PGR: variants seen among roughly 807,000 people sequenced by gnomAD.
The protein encoded by PGR is progesterone receptor.
In PGR, 25 loss-of-function variants were observed where a neutral mutation model predicts 76.1. That is an observed-to-expected ratio of 0.33 (90% CI 0.24 to 0.46). The LOEUF is 0.46. PGR is among the 20% of genes least tolerant of loss of function. The pLI, the probability that PGR is intolerant of heterozygous loss-of-function variation, is 1.00. For missense variants in PGR, 1,172 were observed against 1,225.3 expected, an observed-to-expected ratio of 0.96 and a Z score of 0.65; for synonymous variants, 579 against 535.0, an observed-to-expected ratio of 1.08 and a Z score of -1.14.
At chr11:101,044,277 AAATCTCATG>A (rs1277695324) in intron 6 of PGR, among the ~76,000 whole-genome samples, 2 of 152,264 alleles carry the variant, frequency 1.3e-5, no homozygotes, top group East Asian at 3.9e-4. Flanking sequence ...ATGGCTTCTT[AAATCTCATG>A]AACCAACTTC....
rs368891033 is a variant in PGR at position 101,047,369 on chromosome 11, A to C, written c.2488+2560T>G. On this transcript the variant is annotated intron_variant, in intron 6 of 7. Transcript: ENST00000325455. ...ATTCCTTCATGCAAAGAAGGGCAGG[A>C]GCTAATTACTGTATTATTAAATGTA... Among the ~76,000 whole-genome samples the C allele has an allele frequency of 5.9e-5, 9 of 152,278 alleles. No homozygotes were observed. In the South Asian group the frequency reaches 1.2e-3, roughly 21 times the overall value.
In PGR at chr11:101,033,403, T is replaced by C. The variant is rs1372469426; in HGVS notation, c.*5713A>G. The C allele has an allele frequency of 5.2e-6, 1 of 192,742 alleles. No homozygotes were observed. The highest frequency in any genetic ancestry group is 1.1e-5 in the Non-Finnish European group (1 of 92,224). The allele number at this position is 192,742 out of a possible 1,614,324, so 11.9% of individuals were successfully genotyped here. On this transcript the variant is annotated 3_prime_UTR_variant, in exon 8 of 8. Transcript: ENST00000325455. The stretch of plus-strand genomic sequence containing the variant: ...AAGCCCTTAGAAAAAGATAACTTAA[T>C]TGTATGTAATATATTATGACCCCAA...
chr11:101,044,151 T>C (rs1207029423), intron 6 of PGR, among the ~76,000 whole-genome samples: 1 of 152,232 alleles, frequency 6.6e-6, no homozygotes. Flanking sequence ...CCTGAAAACC[T>C]GTTTTTTAGC....
rs111639272 is a variant in PGR, at chr11:101,080,275, C to T, written c.1906+11485G>A. ...TGGTCACAGCCAGCTCTTACCTATACGTGCCGCCTATGGGCCTGTGGGATG... is the reference window on the plus strand; with the variant it reads ...TGGTCACAGCCAGCTCTTACCTATATGTGCCGCCTATGGGCCTGTGGGATG... On this transcript the variant is annotated intron_variant, in intron 3 of 7. Coordinates refer to ENST00000325455, the MANE Select transcript of PGR (RefSeq NM_000926.4). Among the ~76,000 whole-genome samples, 1,228 of 152,184 alleles carry T rather than the reference C, an allele frequency of 8.1e-3. 18 individuals carry two copies. Among genetic ancestry groups the T allele is most frequent in the African/African-American group, 0.026 (1,082 of 41,514 alleles).
intron 6 of PGR, among the ~76,000 whole-genome samples, chr11:101,045,322 G>A (rs1399587692): frequency 1.3e-5 from 2 of 151,942 alleles, no homozygotes; most frequent in Non-Finnish European, 2.9e-5. Context: ...TATTAAATTT[G>A]TATAAATTTA....
chr11:101,076,170 G>T (rs773993558), intron 3 of PGR, among the ~76,000 whole-genome samples: 4 of 152,080 alleles, frequency 2.6e-5, no homozygotes, highest in Non-Finnish European at 5.9e-5. Context: ...CCTTTGCAGG[G>T]ACATGGATGA....
chr11:101,083,916 T>C (rs1274642738), intron 3 of PGR, among the ~76,000 whole-genome samples: 2 of 152,124 alleles, frequency 1.3e-5, no homozygotes, highest in Admixed American at 6.6e-5. Flanking sequence ...GAAGGCATGA[T>C]TGTGTTTTGA....
rs971033192 is a variant in PGR, at chr11:101,038,583, T to C, written c.*533A>G. 1 of 230,322 alleles carries C rather than the reference T, an allele frequency of 4.3e-6. No individual in the cohort carries two copies. The highest frequency in any genetic ancestry group is 2.2e-5 in the African/African-American group (1 of 45,178). The allele number at this position is 230,322 out of a possible 1,614,324, so 14.3% of individuals were successfully genotyped here. ...AATCTATTTTAGTGGTTTTAAACTC[T>C]TTCTACATTTTTTGCATTAAAAATA... On this transcript the variant is annotated 3_prime_UTR_variant, in exon 8 of 8. Transcript: ENST00000325455.
At chr11:101,054,150 T>C (rs1860204660) in intron 4 of PGR, among the ~76,000 whole-genome samples, 1 of 152,244 alleles carries the variant, frequency 6.6e-6, no homozygotes, top group African/African-American at 2.4e-5. Flanking sequence ...CTCTAGCTTC[T>C]ATTCAGTGAA....
chr11:101,076,291 G>T (rs1861125885), intron 3 of PGR, among the ~76,000 whole-genome samples: 1 of 143,930 alleles, frequency 6.9e-6, no homozygotes, highest in South Asian at 2.4e-4. Flanking sequence ...ACAGGGAGGG[G>T]AATGTCACAC....
At chr11:101,125,007 G>A (rs1862794716) in intron 2 of PGR, among the ~76,000 whole-genome samples, 1 of 151,900 alleles carries the variant, frequency 6.6e-6, no homozygotes, top group Admixed American at 6.6e-5. Flanking sequence ...TAAGGAGAGG[G>A]CTGTTGAAAC....
At chr11:101,059,792 A>G (rs1176603190) in intron 4 of PGR, among the ~76,000 whole-genome samples, 1 of 149,376 alleles carries the variant, frequency 6.7e-6, no homozygotes, top group Non-Finnish European at 1.5e-5. Context: ...GCAATGAGCC[A>G]AGATCATGCC....
rs1412673063 is a variant in PGR at position 101,096,929 on chromosome 11, C to T, written c.1790-5053G>A. Reference sequence around the variant, plus strand: ...TCTTTGCTGTTTACCTACATTATCACCACCAGGAGTTATAAGACATTTAGG... The same window carrying T: ...TCTTTGCTGTTTACCTACATTATCATCACCAGGAGTTATAAGACATTTAGG... On this transcript the variant is annotated intron_variant, in intron 2 of 7. Transcript: ENST00000325455. Among the ~76,000 whole-genome samples the T allele has an allele frequency of 2.6e-5, 4 of 152,158 alleles. No homozygotes were observed. The South Asian group carries it at 8.3e-4, about 31-fold the overall frequency.
chr11:101,039,379 T>G, intron 7 of PGR, 108 bp from the exon 8 acceptor site: 1 of 862,232 alleles, frequency 1.2e-6, no homozygotes, highest in Non-Finnish European at 1.9e-6. Context: ...TAAATACTTC[T>G]CAAGGTGTTT....
At chr11:101,068,725 C>T (rs1375973010) in intron 3 of PGR, among the ~76,000 whole-genome samples, 1 of 151,210 alleles carries the variant, frequency 6.6e-6, no homozygotes, top group Non-Finnish European at 1.5e-5. Flanking sequence ...AAATCTACAA[C>T]CATCTGATCT....
rs973164959 is a variant in PGR at position 101,129,391 on chromosome 11, A to G, written c.-321T>C. The G allele has an allele frequency of 6.1e-6, 2 of 328,938 alleles. No homozygotes were observed. The highest frequency in any genetic ancestry group is 4.4e-5 in the Admixed American group (1 of 22,556). The allele number at this position is 328,938 out of a possible 1,614,324, so 20.4% of individuals were successfully genotyped here. On this transcript the variant is annotated 5_prime_UTR_variant, in exon 1 of 8. Coordinates refer to ENST00000325455, the MANE Select transcript of PGR (RefSeq NM_000926.4). The stretch of plus-strand genomic sequence containing the variant: ...GGGGAGTTCTCCAAGAGAGTTCTCC[A>G]ACTTCTGTCCGAGGACTGGAGACGC...
At chr11:101,063,933 CA>C (rs994908537) in intron 3 of PGR, 2 of 152,124 alleles carry the variant, frequency 1.3e-5, no homozygotes, top group African/African-American at 4.8e-5. Context: ...TAAGTCTTGT[CA>C]CTCTAGCTAC....
intron 2 of PGR, among the ~76,000 whole-genome samples, chr11:101,114,039 G>A (rs1044304876): frequency 6.6e-6 from 1 of 152,116 alleles, no homozygotes; most frequent in Non-Finnish European, 1.5e-5. Context: ...AACCATTGTG[G>A]TCTCCACTGT....
At position 101,086,142 on chromosome 11, in the gene PGR, T is replaced by C. The variant is rs79081027; in HGVS notation, c.1906+5618A>G. On this transcript the variant is annotated intron_variant, in intron 3 of 7. Transcript: ENST00000325455. ...ATACCAAAACCTGTAAGAGATACCATGAGAAAGGAAAACTATAGGACAATA... is the reference window on the plus strand; with the variant it reads ...ATACCAAAACCTGTAAGAGATACCACGAGAAAGGAAAACTATAGGACAATA... Among the ~76,000 whole-genome samples, 7 of 152,086 alleles carry C rather than the reference T, an allele frequency of 4.6e-5. No homozygotes were observed. In the East Asian group the frequency reaches 7.7e-4, roughly 17 times the overall value.
Sources: gnomAD v4.1 joint callset for allele counts (sites outside exome capture counted in the v4.1 genomes callset) on GRCh38, gnomAD v4.1.1 for gene constraint, MANE v1.5 for transcripts, NCBI Gene and HGNC (gene_info 2026-07-23, HGNC 2026-07-21) for gene names.